The following NFKBIL1 variants were observed in gnomAD, a reference collection of about 807,000 sequenced individuals.
NFKBIL1 encodes NFKB inhibitor like 1, also known as NF-kappa-B inhibitor-like protein 1.
Under a neutral mutation model 45.4 loss-of-function variants are expected in NFKBIL1, and 30 were observed. The ratio of observed to expected loss-of-function variants is 0.66; its 90% confidence interval spans 0.49 to 0.90. The LOEUF is 0.90. Ranked by LOEUF, NFKBIL1 falls within the 40% of genes least tolerant of loss-of-function variation. The pLI, the probability that NFKBIL1 is intolerant of heterozygous loss-of-function variation, is 0.00. For missense variants in NFKBIL1, 434 were observed against 513.4 expected (o/e 0.85, Z 1.49); for synonymous variants, 179 against 197.3 (o/e 0.91, Z 0.78).
intron 2 of NFKBIL1, chr6:31,556,720 T>G (rs1435005087): frequency 2.2e-6 from 1 of 457,150 alleles, no homozygotes; most frequent in Non-Finnish European, 4.4e-6. Context: ...TGGAAAGAGC[T>G]TGCTCTGCCG....
intron 2 of NFKBIL1, among the ~76,000 whole-genome samples, chr6:31,549,409 G>A (rs1253503972): frequency 6.6e-6 from 1 of 150,768 alleles, no homozygotes; most frequent in African/African-American, 2.4e-5. Flanking sequence ...ATGCCACCAC[G>A]CCCAGCTAAT....
rs1769230872 is a variant in NFKBIL1, at chr6:31,548,367, G to A, written c.262G>A (p.Gly88Arg). ...TGCCCTGTGCCTGCTGCTTCGGCTCGGGGCTGACCCTGCCCACCAGGACCG... is the reference window on the plus strand; with the variant it reads ...TGCCCTGTGCCTGCTGCTTCGGCTCAGGGCTGACCCTGCCCACCAGGACCG... ...APALCLLLRL[G>R]ADPAHQDRHG... Residue 88 changes from glycine to arginine, a missense_variant, in exon 2 of 4, where the codon GGG becomes AGG. Coordinates refer to ENST00000376148, the MANE Select transcript of NFKBIL1 (RefSeq NM_005007.4). 3.2e-6 allele frequency: 5 copies of A among 1,578,954 alleles called. No individual in the cohort carries two copies. Among genetic ancestry groups the A allele is most frequent in the Admixed American group, 1.7e-5 (1 of 57,236 alleles).
Position 31,557,778 on chromosome 6 carries a change from A to G in NFKBIL1, c.485A>G (p.Glu162Gly). 2 of 1,612,632 alleles carry G rather than the reference A, an allele frequency of 1.2e-6. No homozygotes were observed. Among genetic ancestry groups the G allele is most frequent in the Non-Finnish European group, 8.5e-7 (1 of 1,179,124 alleles). ...EEEEEDDASK[E>G]REWRQKLQGE... ...GAGGAAGAAGATGATGCCTCCAAGG[A>G]GCGGGAATGGAGACAGAAGCTCCAG... The change falls in exon 3 of 4, where the codon GAG (glutamate) becomes GGG (glycine). Residue 162 changes from glutamate to glycine, a missense_variant. Physicochemically the swap from Glu to Gly is moderately conservative, Grantham distance 98. Transcript: ENST00000376148. The surrounding 1 kb of genome is among the most constrained non-coding windows in gnomAD (Gnocchi z 5.4).
chr6:31,553,413 A>G (rs1769548133), intron 2 of NFKBIL1, among the ~76,000 whole-genome samples: 1 of 152,106 alleles, frequency 6.6e-6, no homozygotes, highest in Admixed American at 6.6e-5. Context: ...CCTCACACCT[A>G]ATCAAAAAGT....
chr6:31,554,802 T>G (rs1265188072), intron 2 of NFKBIL1, among the ~76,000 whole-genome samples: 1 of 152,226 alleles, frequency 6.6e-6, no homozygotes, highest in East Asian at 1.9e-4. Context: ...AAGATACTCA[T>G]GAGGCTGAAC....
rs1264069514 is a variant in NFKBIL1 at position 31,547,732 on chromosome 6, C to A, written c.38C>A (p.Ala13Asp). Residue 13 changes from alanine to aspartate, a missense_variant, in exon 1 of 4, where the codon GCC becomes GAC. Transcript: ENST00000376148. ...NPSPQVPEEE[A>D]STSVCRPKSS... ...TCCCCCCAGGTTCCAGAGGAAGAAG[C>A]CTCCACATCTGTCTGCCGGGTACAT... The A allele has an allele frequency of 6.2e-6, 10 of 1,611,780 alleles. No individual in the cohort carries two copies. The highest frequency in any genetic ancestry group is 8.5e-6 in the Non-Finnish European group (10 of 1,179,176).
In NFKBIL1 at chr6:31,557,704, C is replaced by T. The variant is rs1405795398; in HGVS notation, c.411C>T (p.Thr137=). The T allele has an allele frequency of 6.2e-7, 1 of 1,607,654 alleles. No homozygotes were observed. The highest frequency in any genetic ancestry group is 8.5e-7 in the Non-Finnish European group (1 of 1,176,118). The change falls in exon 3 of 4, where the codon ACC becomes ACT. Residue 137 remains threonine (T), a synonymous_variant. Transcript: ENST00000376148. The surrounding 1 kb of genome is among the most constrained non-coding windows in gnomAD (Gnocchi z 5.4). ...AMGIKNKDGE[T]PGQILGWGPP... ...GAATAAAGAATAAGGATGGGGAGAC[C>T]CCTGGCCAAATTTTGGGCTGGGGAC...
chr6:31,547,788 T>G, intron 1 of NFKBIL1, 37 bp downstream of exon 1: 1 of 1,534,068 alleles, frequency 6.5e-7, no homozygotes, highest in East Asian at 2.3e-5. Flanking sequence ...TTATTGGAGA[T>G]TATCTGTGAC....
Position 31,558,731 on chromosome 6 carries a change from T to G in NFKBIL1, c.*120T>G. 2.1e-5 allele frequency: 17 copies of G among 825,212 alleles called. No homozygotes were observed. The highest frequency in any genetic ancestry group is 6.0e-5 in the South Asian group (3 of 49,852). 51.1% of individuals were successfully genotyped at this position (825,212 alleles called of 1,614,324 possible). ...GGTGCTGCTCAGCAGAGGATATGGG[T>G]GGGAGCGAAAGTTGTAACAAGTGGG... On this transcript the variant is annotated 3_prime_UTR_variant, in exon 4 of 4. Coordinates refer to ENST00000376148, the MANE Select transcript of NFKBIL1 (RefSeq NM_005007.4). The surrounding 1 kb of genome is among the most constrained non-coding windows in gnomAD (Gnocchi z 7.2).
At position 31,548,220 on chromosome 6, in the gene NFKBIL1, C is replaced by A. The variant is rs1326129898; in HGVS notation, c.115C>A (p.Arg39Ser). 6.2e-7 allele frequency: 1 copy of A among 1,613,166 alleles called. No individual in the cohort carries two copies. Among genetic ancestry groups the A allele is most frequent in the East Asian group, 2.2e-5 (1 of 44,894 alleles). Residue 39 changes from arginine (R) to serine (S), a missense_variant, in exon 2 of 4, where the codon CGT becomes AGT. Arg to Ser is a moderately radical substitution (Grantham distance 110). Coordinates refer to ENST00000376148, the MANE Select transcript of NFKBIL1 (RefSeq NM_005007.4). ...RRQRRERRFR[R>S]YLSAGRLVRA... ...CCAACGCCGAGAACGTCGCTTTCGT[C>A]GTTACTTGTCTGCAGGACGGCTGGT...
chr6:31,549,801 A>T (rs1417959450), intron 2 of NFKBIL1, among the ~76,000 whole-genome samples: 1 of 152,112 alleles, frequency 6.6e-6, no homozygotes, highest in East Asian at 1.9e-4. Flanking sequence ...GCTACCTAAT[A>T]TAGAGTGAGT....
At position 31,558,207 on chromosome 6, in the gene NFKBIL1, G is replaced by A. The variant is rs1259494445; in HGVS notation, c.742G>A (p.Glu248Lys). 3 of 1,601,872 alleles carry A rather than the reference G, an allele frequency of 1.9e-6. No individual in the cohort carries two copies. Among genetic ancestry groups the A allele is most frequent in the Non-Finnish European group, 2.6e-6 (3 of 1,175,046 alleles). The change falls in exon 4 of 4, where the codon GAG becomes AAG. Residue 248 changes from glutamate to lysine, a missense_variant. Physicochemically the swap from Glu to Lys is moderately conservative, Grantham distance 56 (BLOSUM62 1). Around this residue, in one of 4 missense-constraint regions of NFKBIL1, gnomAD observed 128 missense variants for 106.5 expected, o/e 1.20. Transcript: ENST00000376148. The surrounding 1 kb of genome is among the most constrained non-coding windows in gnomAD (Gnocchi z 7.2). ...GGAGGAGGAGCAGCGGCTCTTCAGG[G>A]AGCGAGCCCGGGCCAAGGAGGAAGA... ...QQEEEQRLFR[E>K]RARAKEEELR...
chr6:31,558,291 C>T lies in NFKBIL1; in HGVS notation c.826C>T (p.Pro276Ser), dbSNP rs1192135649. Residue 276 changes from proline (P) to serine (S), a missense_variant, in exon 4 of 4, where the codon CCA becomes TCA. Physicochemically the swap from Pro to Ser is moderately conservative, Grantham distance 74. Coordinates refer to ENST00000376148, the MANE Select transcript of NFKBIL1 (RefSeq NM_005007.4). This position sits in a 1 kb window ranked among gnomAD's most constrained non-coding sequence, Gnocchi z 7.2. ...QEALGDREPK[P>S]TRAGPREEHP... ...GGCTCTAGGGGACCGAGAACCCAAG[C>T]CAACCAGGGCCGGGCCCAGGGAAGA... is the stretch of plus-strand genomic sequence containing the variant. 6.3e-7 allele frequency: 1 copy of T among 1,581,634 alleles called. No homozygotes were observed.
Position 31,558,025 on chromosome 6 carries a change from A to G in NFKBIL1, c.560A>G (p.Asp187Gly), listed in dbSNP as rs201030042. The change falls in exon 4 of 4, where the codon GAT becomes GGT. Residue 187 changes from aspartate to glycine, a missense_variant. Transcript: ENST00000376148. The surrounding 1 kb of genome is among the most constrained non-coding windows in gnomAD (Gnocchi z 7.2). ...WQEVMGRFEG[D>G]ASHETQEPES... ...CCCATCCCACCCTCCCAAACAGGTGATGCCTCCCATGAAACCCAGGAACCT... is the reference window on the plus strand; with the variant it reads ...CCCATCCCACCCTCCCAAACAGGTGGTGCCTCCCATGAAACCCAGGAACCT... 9 of 738,998 alleles carry G rather than the reference A, an allele frequency of 1.2e-5. No individual in the cohort carries two copies. The highest frequency in any genetic ancestry group is 2.0e-5 in the Non-Finnish European group (9 of 452,716). The allele number at this position is 738,998 out of a possible 1,614,324, so 45.8% of individuals were successfully genotyped here. A position where few individuals can be genotyped will look rare whatever the true frequency, so the allele number is the denominator to read the frequency against.
rs1217589594 is a variant in NFKBIL1 at position 31,548,170 on chromosome 6, G to A, written c.65G>A (p.Ser22Asn). 12 of 1,613,128 alleles carry A rather than the reference G, an allele frequency of 7.4e-6. No homozygotes were observed. Among genetic ancestry groups the A allele is most frequent in the Non-Finnish European group, 1.0e-5 (12 of 1,180,038 alleles). ...EASTSVCRPK[S>N]SMASTSRRQR... ...CCTTTTTTCCTTCCCCAGCCCAAGA[G>A]TTCCATGGCCTCCACTTCCCGCCGC... The change falls in exon 2 of 4, where the codon AGT becomes AAT. Residue 22 changes from serine (S) to asparagine (N), a missense_variant. By Grantham distance (46) the Ser-to-Asn change is conservative. Transcript: ENST00000376148.
upstream of NFKBIL1, chr6:31,547,563 T>A (rs2071592): frequency 0.34 from 188,187 of 558,646 alleles, 33,185 homozygotes; most frequent in African/African-American, 0.49. Flanking sequence ...GTCCTCCACC[T>A]GCGTCTCTGC....
Position 31,558,388 on chromosome 6 carries a change from G to A in NFKBIL1, c.923G>A (p.Gly308Glu). 6.5e-7 allele frequency: 1 copy of A among 1,549,662 alleles called. No individual in the cohort carries two copies. Among genetic ancestry groups the A allele is most frequent in the Non-Finnish European group, 8.7e-7 (1 of 1,145,764 alleles). ...GTGCCCTGGCCCTGCCCTGGGGGAG[G>A]GGACCCAGAGGCCATGGCTGCAGCC... is the stretch of plus-strand genomic sequence containing the variant. ...GDVPWPCPGG[G>E]DPEAMAAALV... is the part of the protein sequence containing the mutation. The change falls in exon 4 of 4, where the codon GGG becomes GAG. Residue 308 changes from glycine (G) to glutamate (E), a missense_variant. Transcript: ENST00000376148. This position sits in a 1 kb window ranked among gnomAD's most constrained non-coding sequence, Gnocchi z 7.2.
chr6:31,556,831 G>A (rs567775300), intron 2 of NFKBIL1: 3 of 447,470 alleles, frequency 6.7e-6, no homozygotes, highest in African/African-American at 6.0e-5. Flanking sequence ...ATTTTACTCA[G>A]TTTATTGATA....
chr6:31,549,396 C>T (rs3219180), intron 2 of NFKBIL1, among the ~76,000 whole-genome samples: 6,409 of 151,190 alleles, frequency 0.042, 240 homozygotes, highest in South Asian at 0.16. Flanking sequence ...GGATTACAGG[C>T]GCATGCCACC....
Sources: gnomAD v4.1 joint callset for allele counts (sites outside exome capture counted in the v4.1 genomes callset) on GRCh38, gnomAD v4.1.1 for gene constraint, gnomAD v4.1.1 regional missense constraint, Gnocchi (gnomAD v3.1) non-coding constraint, MANE v1.5 for transcripts, NCBI Gene and HGNC (gene_info 2026-07-23, HGNC 2026-07-21) for gene names.